CHD1L: variants seen among roughly 807,000 people sequenced by gnomAD.
CHD1L encodes the protein chromodomain helicase DNA binding protein 1 like.
In CHD1L, 118 loss-of-function variants were observed where a neutral mutation model predicts 115.9. The observed-to-expected ratio is 1.02, with a 90% CI of 0.88 to 1.19. The LOEUF is 1.19. CHD1L is among the 50% of genes most tolerant of loss of function. The probability of loss-of-function intolerance (pLI) is 0.00; values close to 1 mark genes in which losing one functional copy is unlikely to be tolerated. For synonymous variants in CHD1L, 411 were observed against 387.1 expected, an observed-to-expected ratio of 1.06 and a Z score of -0.72; for missense variants, 1,179 against 1,065.3, an observed-to-expected ratio of 1.11 and a Z score of -1.49.
intron 13 of CHD1L, 50 bp downstream of exon 13, chr1:147,275,518 T>C (rs587762713): frequency 1.4e-6 from 2 of 1,455,940 alleles, no homozygotes; most frequent in African/African-American, 2.8e-5. Flanking sequence ...CAGTTCTGGG[T>C]TGTGAAAAAG....
intron 1 of CHD1L, among the ~76,000 whole-genome samples, chr1:147,246,336 G>A (rs72999607): frequency 0.027 from 4,168 of 152,206 alleles, 61 homozygotes; most frequent in Non-Finnish European, 0.037. Flanking sequence ...TGTGGCTATT[G>A]CCAAAAAAGA....
At chr1:147,294,960 G>A (rs587627960) in intron 22 of CHD1L, among the ~76,000 whole-genome samples, 26 of 152,284 alleles carry the variant, frequency 1.7e-4, no homozygotes, top group Non-Finnish European at 2.2e-4. Context: ...AAAGCAGTAT[G>A]AAATTTATTT....
chr1:147,287,607 G>C (rs1233759191), intron 18 of CHD1L, 28 bp from the exon 19 acceptor site: 1 of 1,572,890 alleles, frequency 6.4e-7, no homozygotes, highest in South Asian at 1.1e-5. Context: ...ACCTCCTATA[G>C]ATGAAAATTT....
At chr1:147,219,840 CTTTTTTTT>C in the CHD1L span, among the ~76,000 whole-genome samples, 1 of 132,898 alleles carries the variant, frequency 7.5e-6, no homozygotes. Flanking sequence ...ATGTTAATTG[CTTTTTTTT>C]TTTTTTTTGA....
intron 12 of CHD1L, among the ~76,000 whole-genome samples, 162 bp from the exon 13 acceptor site, chr1:147,275,192 G>A (rs757975378): frequency 1.0e-3 from 158 of 152,306 alleles, no homozygotes; most frequent in Non-Finnish European, 1.8e-3. Flanking sequence ...TCTCACCGCT[G>A]GAACAAGGCT....
intron 1 of CHD1L, among the ~76,000 whole-genome samples, chr1:147,244,504 A>C (rs751913383): frequency 6.6e-6 from 1 of 151,530 alleles, no homozygotes; most frequent in Non-Finnish European, 1.5e-5. Context: ...TCGTTTGGTT[A>C]CAGAAGTAGT....
rs116397580 is a variant in CHD1L, at chr1:147,289,519, A to G, written c.2320+1786A>G. On this transcript the variant is annotated intron_variant, in intron 19 of 22. Coordinates refer to ENST00000369258, the MANE Select transcript of CHD1L (RefSeq NM_004284.6). ...TGAGGAGAGTGGGAAGCTCAGACTT[A>G]AGGCCTGAGGGCTCAGGAAGGAAAT... is the stretch of plus-strand genomic sequence containing the variant. Among the ~76,000 whole-genome samples the G allele has an allele frequency of 5.6e-3, 856 of 152,260 alleles. 2 individuals are homozygous for G. Among genetic ancestry groups the G allele is most frequent in the Non-Finnish European group, 0.01 (703 of 68,014 alleles).
At chr1:147,179,241 G>C in the CHD1L span, 3 of 1,613,134 alleles carry the variant, frequency 1.9e-6, no homozygotes, top group Non-Finnish European at 2.5e-6. Context: ...GCAATGATGG[G>C]CCTGTGAAGG....
the CHD1L span, chr1:147,179,148 T>C: frequency 6.2e-7 from 1 of 1,614,074 alleles, no homozygotes. Flanking sequence ...TCTCGCGTGA[T>C]GGGAATGCTC....
chr1:147,204,475 T>A, the CHD1L span: 1 of 1,485,568 alleles, frequency 6.7e-7, no homozygotes. Context: ...ATCTCGAAGG[T>A]TTTTTGCAGA....
At chr1:147,236,028 T>C in the CHD1L span, among the ~76,000 whole-genome samples, 3 of 151,656 alleles carry the variant, frequency 2.0e-5, no homozygotes, top group Non-Finnish European at 4.4e-5. Flanking sequence ...CAGAGAGGGG[T>C]GTGTGAGCAA....
At chr1:147,290,259 AT>A (rs1465638491) in intron 19 of CHD1L, among the ~76,000 whole-genome samples, 2 of 151,714 alleles carry the variant, frequency 1.3e-5, no homozygotes, top group African/African-American at 4.8e-5. Context: ...ACTCTTTTGA[AT>A]TTTTGGTAGA....
intron 1 of CHD1L, among the ~76,000 whole-genome samples, chr1:147,244,328 A>C (rs1331563266): frequency 2.0e-5 from 3 of 152,226 alleles, no homozygotes; most frequent in Non-Finnish European, 4.4e-5. Flanking sequence ...CAAATGTGGC[A>C]ACTTGGATAA....
the CHD1L span, among the ~76,000 whole-genome samples, chr1:147,192,472 C>T: frequency 1.3e-5 from 2 of 152,124 alleles, no homozygotes; most frequent in African/African-American, 4.8e-5. Context: ...GACAATTTGA[C>T]TTCCTCTTTT....
At chr1:147,267,200 GT>G (rs1674270544) in intron 8 of CHD1L, among the ~76,000 whole-genome samples, 1 of 152,202 alleles carries the variant, frequency 6.6e-6, no homozygotes, top group African/African-American at 2.4e-5. Context: ...GTACTTCTGA[GT>G]TCTATTTACA....
chr1:147,285,283 A>G (rs782282284), intron 16 of CHD1L, 41 bp from the exon 17 acceptor site: 13 of 1,588,232 alleles, frequency 8.2e-6, no homozygotes. Context: ...TTCGGGGAGG[A>G]ATCTTCTTGA....
At chr1:147,278,670 C>A (rs12404113) in intron 14 of CHD1L, among the ~76,000 whole-genome samples, 14,290 of 151,972 alleles carry the variant, frequency 0.094, 751 homozygotes, top group East Asian at 0.16. Context: ...TAGAAACAGG[C>A]AGGCAGATGC....
chr1:147,203,402 AC>A, the CHD1L span: 2 of 956,402 alleles, frequency 2.1e-6, no homozygotes, highest in Non-Finnish European at 3.4e-6. Context: ...AGTTTGATAG[AC>A]CAGTGTTTTC....
the CHD1L span, among the ~76,000 whole-genome samples, chr1:147,192,806 G>T: frequency 1.3e-5 from 2 of 152,116 alleles, no homozygotes; most frequent in South Asian, 4.1e-4. Context: ...TTATATGCTG[G>T]ATTACATTTA....
Sources: allele counts gnomAD v4.1 joint callset (sites outside exome capture counted in the v4.1 genomes callset), GRCh38; gene constraint gnomAD v4.1.1; transcripts MANE v1.5; gene names NCBI Gene and HGNC (gene_info 2026-07-23, HGNC 2026-07-21).